The following RNASET2 variants were observed in gnomAD, a reference collection of about 807,000 sequenced individuals.
RNASET2 encodes the protein ribonuclease 6.
Under a neutral mutation model 33.9 loss-of-function variants are expected in RNASET2, and 28 were observed. The observed-to-expected ratio is 0.83, with a 90% CI of 0.61 to 1.13. The LOEUF is 1.13. RNASET2 is among the 50% of genes most tolerant of loss of function. The pLI, the probability that RNASET2 is intolerant of heterozygous loss-of-function variation, is 0.00. For synonymous variants in RNASET2, 123 were observed against 121.0 expected (o/e 1.02, Z -0.11); for missense variants, 330 against 319.9 (o/e 1.03, Z -0.24).
intron 2 of RNASET2, among the ~76,000 whole-genome samples, chr6:166,951,963 T>C (rs1476623450): frequency 6.6e-6 from 1 of 152,096 alleles, no homozygotes; most frequent in East Asian, 1.9e-4. Context: ...TGACCCTACA[T>C]GGACACAGGG....
At chr6:166,940,261 A>T (rs1039724137) in intron 5 of RNASET2, among the ~76,000 whole-genome samples, 35 of 152,264 alleles carry the variant, frequency 2.3e-4, no homozygotes, top group African/African-American at 8.4e-4. Context: ...GCAACCACTT[A>T]TAAAGCACTT....
chr6:166,942,792 G>T (rs149047751), intron 5 of RNASET2, among the ~76,000 whole-genome samples: 103 of 152,252 alleles, frequency 6.8e-4, no homozygotes, highest in Admixed American at 1.8e-3. Flanking sequence ...TAGAAAACAG[G>T]CTTATATGGT....
At position 166,922,312 on chromosome 6, in the gene RNASET2, G is replaced by A. The variant is rs560966741; in HGVS notation, c.*7276C>T. Among the ~76,000 whole-genome samples the A allele has an allele frequency of 1.3e-5, 2 of 152,236 alleles. No individual in the cohort carries two copies. Among genetic ancestry groups the A allele is most frequent in the Admixed American group, 6.5e-5 (1 of 15,296 alleles). ...TCTGAGTTATAGTAAAGCCTGTTTC[G>A]TTGGTGTTTGCCTGATAATATCTTA... On this transcript the variant is annotated 3_prime_UTR_variant, in exon 9 of 9. Coordinates refer to ENST00000508775, the MANE Select transcript of RNASET2 (RefSeq NM_003730.6).
chr6:166,954,896 C>T lies in RNASET2; in HGVS notation c.86+1201G>A, dbSNP rs548999530. ...AATCCCACCTACTCAGAGGCTGAGG[C>T]AGGAGAATCGCTTGAACCCGGGAGG... On this transcript the variant is annotated intron_variant, in intron 1 of 8. Coordinates refer to ENST00000508775, the MANE Select transcript of RNASET2 (RefSeq NM_003730.6). Among the ~76,000 whole-genome samples, 9 of 152,150 alleles carry T rather than the reference C, an allele frequency of 5.9e-5. No homozygotes were observed. The South Asian group carries it at 1.9e-3, about 32-fold the overall frequency.
intron 4 of RNASET2, among the ~76,000 whole-genome samples, chr6:166,944,723 C>T (rs1328753769): frequency 6.6e-6 from 1 of 151,820 alleles, no homozygotes; most frequent in Non-Finnish European, 1.5e-5. Flanking sequence ...TGTCCTGGAC[C>T]CCCCGGGGAT....
At chr6:166,952,637 A>T in intron 1 of RNASET2, 89 bp from the exon 2 acceptor site, 1 of 982,710 alleles carries the variant, frequency 1.0e-6, no homozygotes, top group African/African-American at 1.6e-5. Flanking sequence ...TCAATCATTC[A>T]TTCAGCACTG....
Position 166,943,211 on chromosome 6 carries a change from G to A in RNASET2, c.262-122C>T, listed in dbSNP as rs1284927586. On this transcript the variant is annotated intron_variant, in intron 4 of 8. Coordinates refer to ENST00000508775, the MANE Select transcript of RNASET2 (RefSeq NM_003730.6). ...CTCTGCTAATTAACAATACTTTGGT[G>A]AATAAAATAATCCTATGCTTATTTT... The A allele has an allele frequency of 1.1e-5, 8 of 709,034 alleles. No individual in the cohort carries two copies. The Admixed American group carries it at 1.7e-4, about 15-fold the overall frequency. 43.9% of individuals were successfully genotyped at this position (709,034 alleles called of 1,614,324 possible).
At chr6:166,934,206 ATCATAT>A in intron 6 of RNASET2, 70 bp from the exon 7 acceptor site, 1 of 981,128 alleles carries the variant, frequency 1.0e-6, no homozygotes, top group Non-Finnish European at 1.6e-6. Context: ...CTTTTCAGGT[ATCATAT>A]TTCATGGTAA....
rs1323273329 is a variant in RNASET2 at position 166,925,133 on chromosome 6, CCAG to C, written c.*4452_*4454del. Among the ~76,000 whole-genome samples, 4 of 149,686 alleles carry C rather than the reference CCAG, an allele frequency of 2.7e-5. No individual in the cohort carries two copies. Among genetic ancestry groups the C allele is most frequent in the African/African-American group, 1.0e-4 (4 of 40,004 alleles). On this transcript the variant is annotated 3_prime_UTR_variant, in exon 9 of 9. Transcript: ENST00000508775. ...ACAGCACAGCCCTCACCTCTGCTGC[CCAG>C]GCCTCATCTACGCCATCCAGCCCTC...
In RNASET2 at chr6:166,924,552, G is replaced by T. The variant is rs1043868611; in HGVS notation, c.*5036C>A. 1.3e-5 allele frequency among the ~76,000 whole-genome samples: 2 copies of T among 152,232 alleles called. No homozygotes were observed. The highest frequency in any genetic ancestry group is 4.8e-5 in the African/African-American group (2 of 41,462). On this transcript the variant is annotated 3_prime_UTR_variant, in exon 9 of 9. Transcript: ENST00000508775. ...TGTGACGTGGCCATTAGGGCCCACAGATCCTTCCCTGCAGTTGCTGTCTCC... is the reference window on the plus strand; with the variant it reads ...TGTGACGTGGCCATTAGGGCCCACATATCCTTCCCTGCAGTTGCTGTCTCC...
chr6:166,933,540 G>A lies in RNASET2; in HGVS notation c.492+551C>T, dbSNP rs547061466. The A allele has an allele frequency of 9.9e-5, 16 of 161,984 alleles. No homozygotes were observed. Among genetic ancestry groups the A allele is most frequent in the African/African-American group, 3.4e-4 (14 of 41,546 alleles). 10.0% of individuals were successfully genotyped at this position (161,984 alleles called of 1,614,324 possible). On this transcript the variant is annotated intron_variant, in intron 7 of 8. Transcript: ENST00000508775. The surrounding 1 kb of genome is among the most constrained non-coding windows in gnomAD (Gnocchi z 4.1). ...GCTCAGCTACTTTTACTTCTTTCTA[G>A]AGGTCTCACTCTGCTGCCCAGGCTG...
chr6:166,943,189 T>G, intron 4 of RNASET2, 100 bp from the exon 5 acceptor site: 25 of 768,610 alleles, frequency 3.3e-5, no homozygotes, highest in Non-Finnish European at 4.7e-5. Flanking sequence ...AATTGAGCTC[T>G]GCTAATTAAC....
intron 1 of RNASET2, among the ~76,000 whole-genome samples, chr6:166,955,301 CACACACG>C (rs1367258184): frequency 1.3e-4 from 6 of 47,514 alleles, no homozygotes; most frequent in Non-Finnish European, 2.2e-4. Context: ...CACAGACGCG[CACACACG>C]ACACACACGC....
chr6:166,955,247 ACGCACACACGCACACACACACACG>A (rs1779096681), intron 1 of RNASET2, among the ~76,000 whole-genome samples: 1 of 90,774 alleles, frequency 1.1e-5, no homozygotes, highest in African/African-American at 5.7e-5. Context: ...ACGCACACAC[ACGCACACACGCACACACACACACG>A]CGCACACACG....
intron 4 of RNASET2, 164 bp from the exon 5 acceptor site, chr6:166,943,253 A>G (rs1583225527): frequency 1.7e-6 from 1 of 590,614 alleles, no homozygotes; most frequent in East Asian, 3.3e-5. Context: ...AGTGTTTGTT[A>G]AGATATATCT....
chr6:166,942,907 A>G (rs556039841), intron 5 of RNASET2, 112 bp downstream of exon 5: 5 of 869,644 alleles, frequency 5.7e-6, no homozygotes, highest in Non-Finnish European at 9.5e-6. Context: ...CAGCCCCAGA[A>G]GACAGATTCT....
intron 6 of RNASET2, among the ~76,000 whole-genome samples, chr6:166,935,291 ATT>A (rs1367745192): frequency 6.6e-6 from 1 of 152,062 alleles, no homozygotes; most frequent in Non-Finnish European, 1.5e-5. Flanking sequence ...TTTTTGATAT[ATT>A]GAGTTTAATA....
chr6:166,932,254 G>A (rs974552515), intron 7 of RNASET2: 4 of 152,486 alleles, frequency 2.6e-5, no homozygotes, highest in Admixed American at 6.5e-5. Context: ...TGACCTACTC[G>A]GAGGGTCTCT....
At chr6:166,941,977 G>A (rs1353870904) in intron 5 of RNASET2, among the ~76,000 whole-genome samples, 1 of 151,894 alleles carries the variant, frequency 6.6e-6, no homozygotes, top group African/African-American at 2.4e-5. Flanking sequence ...CTATGACTGA[G>A]GTCTCAGCCT....
Sources: gnomAD v4.1 joint callset for allele counts (sites outside exome capture counted in the v4.1 genomes callset) on GRCh38, gnomAD v4.1.1 for gene constraint, Gnocchi (gnomAD v3.1) non-coding constraint, MANE v1.5 for transcripts, NCBI Gene and HGNC (gene_info 2026-07-23, HGNC 2026-07-21) for gene names.